ANKIB1: variants seen among roughly 807,000 people sequenced by gnomAD.
ANKIB1 encodes ankyrin repeat and IBR domain containing 1.
In ANKIB1, 43 loss-of-function variants were observed where a neutral mutation model predicts 122.1. That is an observed-to-expected ratio of 0.35 (90% CI 0.28 to 0.45). The LOEUF (loss-of-function observed/expected upper bound fraction) is 0.45, where lower values mean the gene tolerates loss of function less well. ANKIB1 is among the 20% of genes least tolerant of loss of function. The probability of loss-of-function intolerance (pLI) is 1.00; values close to 1 mark genes in which losing one functional copy is unlikely to be tolerated. For missense variants in ANKIB1, 992 were observed against 1,329.5 expected (o/e 0.75, Z 3.95); for synonymous variants, 390 against 442.0 (o/e 0.88, Z 1.48).
intron 11 of ANKIB1, among the ~76,000 whole-genome samples, chr7:92,376,003 A>T (rs911894829): frequency 6.6e-6 from 1 of 152,198 alleles, no homozygotes; most frequent in Non-Finnish European, 1.5e-5. Context: ...GTAATATTTT[A>T]AAAGGAATCT....
intron 7 of ANKIB1, among the ~76,000 whole-genome samples, chr7:92,347,630 C>T (rs1340336936): frequency 6.6e-6 from 1 of 152,014 alleles, no homozygotes; most frequent in East Asian, 1.9e-4. Flanking sequence ...ATCGATCAAT[C>T]GACAGATTAG....
chr7:92,249,877 C>A (rs545658209), intron 1 of ANKIB1, among the ~76,000 whole-genome samples: 1 of 151,934 alleles, frequency 6.6e-6, no homozygotes, highest in Non-Finnish European at 1.5e-5. Context: ...CCCCCACACG[C>A]GAATAAACTA....
At chr7:92,323,348 G>C (rs759861318) in intron 4 of ANKIB1, among the ~76,000 whole-genome samples, 3 of 152,080 alleles carry the variant, frequency 2.0e-5, no homozygotes, top group Non-Finnish European at 4.4e-5. Flanking sequence ...TCTGATTATC[G>C]TGTAAATTGA....
chr7:92,327,456 G>C (rs1198221781), intron 4 of ANKIB1, among the ~76,000 whole-genome samples: 1 of 152,150 alleles, frequency 6.6e-6, no homozygotes, highest in Non-Finnish European at 1.5e-5. Flanking sequence ...GTAAAATGGG[G>C]TATAGTATTT....
intron 11 of ANKIB1, among the ~76,000 whole-genome samples, chr7:92,386,097 G>A (rs1344158843): frequency 2.0e-5 from 3 of 152,094 alleles, no homozygotes; most frequent in Non-Finnish European, 2.9e-5. Flanking sequence ...CCACTTAGAG[G>A]TCTTTTAAGC....
chr7:92,374,163 C>T (rs1202194589), intron 11 of ANKIB1, among the ~76,000 whole-genome samples: 4 of 152,126 alleles, frequency 2.6e-5, no homozygotes, highest in Non-Finnish European at 5.9e-5. Context: ...AAATAATATT[C>T]TCCGATCATA....
intron 11 of ANKIB1, among the ~76,000 whole-genome samples, chr7:92,385,095 A>G (rs947307933): frequency 6.6e-6 from 1 of 152,244 alleles, no homozygotes; most frequent in African/African-American, 2.4e-5. Flanking sequence ...ACTTTTCAAA[A>G]GGAGACATTT....
intron 14 of ANKIB1, among the ~76,000 whole-genome samples, chr7:92,388,982 G>A (rs1215049879): frequency 2.0e-5 from 3 of 152,104 alleles, no homozygotes; most frequent in Non-Finnish European, 4.4e-5. Flanking sequence ...CTCACAAGTC[G>A]TACAGCTCTT....
chr7:92,304,402 T>C (rs1341514188), intron 2 of ANKIB1, among the ~76,000 whole-genome samples: 1 of 152,036 alleles, frequency 6.6e-6, no homozygotes, highest in African/African-American at 2.4e-5. Flanking sequence ...GGCAAGAGAG[T>C]GTCTCTCTCT....
chr7:92,380,160 C>T (rs1266770287), intron 11 of ANKIB1, among the ~76,000 whole-genome samples: 1 of 152,244 alleles, frequency 6.6e-6, no homozygotes, highest in Non-Finnish European at 1.5e-5. Context: ...CGAGATCTAA[C>T]TGCGAGGCGG....
Position 92,391,361 on chromosome 7 carries a change from C to G in ANKIB1, c.2231+17C>G, listed in dbSNP as rs746491563. 20 of 1,555,652 alleles carry G rather than the reference C, an allele frequency of 1.3e-5. No homozygotes were observed. Among genetic ancestry groups the G allele is most frequent in the Admixed American group, 1.8e-5 (1 of 55,674 alleles). ...AAGGCGCAGGTAAAAAGGACGTACACTGTGGAAATCATCCTAGCTCCAGCC... is the reference window on the plus strand; with the variant it reads ...AAGGCGCAGGTAAAAAGGACGTACAGTGTGGAAATCATCCTAGCTCCAGCC... On this transcript the variant is annotated intron_variant, in intron 16 of 19. Transcript: ENST00000265742.
chr7:92,351,149 C>A, intron 8 of ANKIB1, 55 bp downstream of exon 8: 4 of 1,290,838 alleles, frequency 3.1e-6, no homozygotes, highest in Non-Finnish European at 4.0e-6. Context: ...TTTTATTAAA[C>A]CTTTATAACA....
chr7:92,312,521 G>A (rs1407920747), intron 3 of ANKIB1, among the ~76,000 whole-genome samples: 1 of 152,114 alleles, frequency 6.6e-6, no homozygotes, highest in Non-Finnish European at 1.5e-5. Context: ...AAAGAGAATG[G>A]CAGTGTTCTA....
At chr7:92,309,940 A>ATAT (rs57536267) in intron 3 of ANKIB1, among the ~76,000 whole-genome samples, 115 of 105,246 alleles carry the variant, frequency 1.1e-3, no homozygotes, top group Non-Finnish European at 1.5e-3. Context: ...AAAAAAAAAA[A>ATAT]AAATATATAT....
chr7:92,257,574 C>T (rs939838756), intron 1 of ANKIB1, among the ~76,000 whole-genome samples: 1 of 152,210 alleles, frequency 6.6e-6, no homozygotes, highest in Non-Finnish European at 1.5e-5. Context: ...AAGTGGATCA[C>T]CTGAGGTTGG....
chr7:92,275,408 G>A (rs1011162744), intron 1 of ANKIB1, among the ~76,000 whole-genome samples: 2 of 152,154 alleles, frequency 1.3e-5, no homozygotes, highest in African/African-American at 4.8e-5. Context: ...CTTCCTGTGA[G>A]TTGGGGTGGT....
intron 7 of ANKIB1, among the ~76,000 whole-genome samples, chr7:92,348,574 T>C: frequency 6.6e-6 from 1 of 151,998 alleles, no homozygotes. Context: ...TTAGTAGAGA[T>C]GAGGTTTCAC....
rs754559351 is a variant in ANKIB1 at position 92,398,944 on chromosome 7, G to A, written c.3265G>A (p.Val1089Met). The A allele has an allele frequency of 7.6e-6, 12 of 1,570,976 alleles. No homozygotes were observed. The highest frequency in any genetic ancestry group is 8.6e-7 in the Non-Finnish European group (1 of 1,158,432). Residue 1089 changes from valine (V) to methionine (M), a missense_variant, in exon 20 of 20, where the codon GTG (valine) becomes ATG (methionine). Val to Met is a conservative substitution (Grantham distance 21). This residue lies in a region of ANKIB1 where 384 missense variants were observed against 412.0 expected (regional missense o/e 0.93). Transcript: ENST00000265742. ...TGACTGGCTTGAACAAGTACATTTA[G>A]TGTGAACTGCACACATCTGGGCTCT... ...SSDWLEQVHL[V>M] is the part of the protein sequence containing the mutation.
intron 1 of ANKIB1, among the ~76,000 whole-genome samples, chr7:92,278,025 A>C (rs554464338): frequency 6.6e-6 from 1 of 151,866 alleles, no homozygotes; most frequent in Non-Finnish European, 1.5e-5. Flanking sequence ...CGGAGGTTGC[A>C]GTGAGCAGAG....
Sources: allele counts gnomAD v4.1 joint callset (sites outside exome capture counted in the v4.1 genomes callset), GRCh38; gene constraint gnomAD v4.1.1; regional missense constraint gnomAD v4.1.1; transcripts MANE v1.5; gene names NCBI Gene and HGNC (gene_info 2026-07-23, HGNC 2026-07-21).